The following SH3RF3 variants were observed in gnomAD, a reference collection of about 807,000 sequenced individuals.
SH3RF3 encodes the protein E3 ubiquitin-protein ligase SH3RF3.
In SH3RF3, 29 loss-of-function variants were observed where a neutral mutation model predicts 66.3. That is an observed-to-expected ratio of 0.44 (90% confidence interval 0.33 to 0.60). The LOEUF is 0.60. Ranked by LOEUF, SH3RF3 falls within the 20% of genes least tolerant of loss-of-function variation. The pLI, the probability that SH3RF3 is intolerant of heterozygous loss-of-function variation, is 0.04. For synonymous variants in SH3RF3, 583 were observed against 532.0 expected (o/e 1.10, Z -1.32); for missense variants, 1,194 against 1,190.9 (o/e 1.00, Z -0.04).
At position 109,415,116 on chromosome 2, in the gene SH3RF3, G is replaced by A. The variant is rs184612660; in HGVS notation, c.1300-4423G>A. ...CTTAAAGTGGAGGGGACCAAGGAAC[G>A]TGGGCAGCCTCTAGAAGCTGCAAAG... is the stretch of plus-strand genomic sequence containing the variant. On this transcript the variant is annotated intron_variant, in intron 4 of 9. Transcript: ENST00000309415. Among the ~76,000 whole-genome samples the A allele has an allele frequency of 3.4e-3, 500 of 147,548 alleles. 2 individuals are homozygous for A. The highest frequency in any genetic ancestry group is 0.012 in the African/African-American group (457 of 39,138).
intron 1 of SH3RF3, among the ~76,000 whole-genome samples, chr2:109,274,887 T>C (rs553253465): frequency 2.6e-4 from 39 of 151,210 alleles, no homozygotes; most frequent in African/African-American, 8.6e-4. Flanking sequence ...AAAAATGTTC[T>C]AGATAGAGGT....
chr2:109,419,487 C>A, intron 4 of SH3RF3, 52 bp from the exon 5 acceptor site: 1 of 1,530,858 alleles, frequency 6.5e-7, no homozygotes, highest in Non-Finnish European at 8.8e-7. Context: ...TTCTCTTTCC[C>A]TTGGATGGAG....
chr2:109,328,605 C>T (rs1012106992), intron 1 of SH3RF3, among the ~76,000 whole-genome samples: 8 of 152,178 alleles, frequency 5.3e-5, no homozygotes, highest in South Asian at 4.1e-4. Context: ...TCTAATCTAG[C>T]GTTCCAGGTT....
intron 2 of SH3RF3, among the ~76,000 whole-genome samples, chr2:109,353,493 A>G (rs1574592571): frequency 6.6e-6 from 1 of 152,010 alleles, no homozygotes; most frequent in Non-Finnish European, 1.5e-5. Context: ...TTGAGACCCC[A>G]CCACCGCCTG....
chr2:109,463,158 T>C (rs1003163639), intron 8 of SH3RF3, among the ~76,000 whole-genome samples: 1 of 152,238 alleles, frequency 6.6e-6, no homozygotes, highest in African/African-American at 2.4e-5. Flanking sequence ...ATTCAAGTTA[T>C]ACTTCTGTTC....
At position 109,315,034 on chromosome 2, in the gene SH3RF3, A is replaced by G. The variant is rs143229421; in HGVS notation, c.574-32640A>G. Among the ~76,000 whole-genome samples the G allele has an allele frequency of 3.6e-3, 541 of 152,350 alleles. 6 individuals carry two copies. The highest frequency in any genetic ancestry group is 0.012 in the African/African-American group (502 of 41,582). ...GGTAGCCACCGACCACACTCAGTGA[A>G]CAGCGACCACATTGAAGAGCCCATA... On this transcript the variant is annotated intron_variant, in intron 1 of 9. Transcript: ENST00000309415.
chr2:109,264,227 C>T (rs1056547572), intron 1 of SH3RF3, among the ~76,000 whole-genome samples: 2 of 143,918 alleles, frequency 1.4e-5, no homozygotes, highest in Non-Finnish European at 3.0e-5. Flanking sequence ...CACTCCGAGT[C>T]TGTGGGTGCT....
intron 1 of SH3RF3, among the ~76,000 whole-genome samples, chr2:109,187,367 T>TTG (rs1308865897): frequency 6.6e-6 from 1 of 151,910 alleles, no homozygotes; most frequent in Non-Finnish European, 1.5e-5. Context: ...CAGACTTTTT[T>TTG]TTTTTAAAGG....
intron 1 of SH3RF3, among the ~76,000 whole-genome samples, chr2:109,140,521 C>A (rs1354047212): frequency 6.6e-6 from 1 of 152,032 alleles, no homozygotes; most frequent in Non-Finnish European, 1.5e-5. Flanking sequence ...GCTGGGACTA[C>A]AGGCGCCCAC....
At chr2:109,153,635 T>G (rs559724487) in intron 1 of SH3RF3, among the ~76,000 whole-genome samples, 2 of 152,248 alleles carry the variant, frequency 1.3e-5, no homozygotes, top group South Asian at 4.1e-4. Context: ...TGTGGCATAG[T>G]AAAACATGAG....
At chr2:109,147,614 C>T (rs1038536609) in intron 1 of SH3RF3, among the ~76,000 whole-genome samples, 2 of 152,184 alleles carry the variant, frequency 1.3e-5, no homozygotes, top group Admixed American at 1.3e-4. Flanking sequence ...GGTCTCATAG[C>T]GTGTTATCGA....
intron 8 of SH3RF3, among the ~76,000 whole-genome samples, chr2:109,482,333 G>C (rs1480001237): frequency 6.6e-6 from 1 of 152,144 alleles, no homozygotes; most frequent in Non-Finnish European, 1.5e-5. Flanking sequence ...TTACACATGA[G>C]GGAAGTGGGG....
At chr2:109,287,533 C>T (rs1260930217) in intron 1 of SH3RF3, among the ~76,000 whole-genome samples, 1 of 152,170 alleles carries the variant, frequency 6.6e-6, no homozygotes, top group Non-Finnish European at 1.5e-5. Flanking sequence ...TTCCATGCAC[C>T]CTGCAGAGCC....
At chr2:109,443,856 T>C (rs1366089879) in intron 7 of SH3RF3, among the ~76,000 whole-genome samples, 1 of 152,220 alleles carries the variant, frequency 6.6e-6, no homozygotes, top group Non-Finnish European at 1.5e-5. Flanking sequence ...ATGGTAAAAA[T>C]TTAAAACATT....
At position 109,460,184 on chromosome 2, in the gene SH3RF3, T is replaced by C. The variant is rs182628700; in HGVS notation, c.2148+10695T>C. 2.5e-3 allele frequency among the ~76,000 whole-genome samples: 379 copies of C among 152,336 alleles called. 2 individuals carry two copies. Among genetic ancestry groups the C allele is most frequent in the African/African-American group, 8.9e-3 (369 of 41,572 alleles). ...GCTGTGTGGAATACCGTGATGGTGGTTAAGGCATTCTGAAGTCCATGGATA... is the reference window on the plus strand; with the variant it reads ...GCTGTGTGGAATACCGTGATGGTGGCTAAGGCATTCTGAAGTCCATGGATA... On this transcript the variant is annotated intron_variant, in intron 8 of 9. Coordinates refer to ENST00000309415, the MANE Select transcript of SH3RF3 (RefSeq NM_001099289.3).
At chr2:109,298,833 G>T (rs1681388790) in intron 1 of SH3RF3, among the ~76,000 whole-genome samples, 1 of 152,148 alleles carries the variant, frequency 6.6e-6, no homozygotes, top group Non-Finnish European at 1.5e-5. Context: ...TCCTGTTTCT[G>T]CCCTTGCCCT....
At chr2:109,206,053 C>T (rs147075349) in intron 1 of SH3RF3, among the ~76,000 whole-genome samples, 1 of 152,286 alleles carries the variant, frequency 6.6e-6, no homozygotes, top group East Asian at 1.9e-4. Context: ...CCTGAGATGC[C>T]TTTCCAGCCT....
intron 3 of SH3RF3, among the ~76,000 whole-genome samples, chr2:109,390,304 C>G (rs1056915283): frequency 6.6e-6 from 1 of 152,146 alleles, no homozygotes; most frequent in African/African-American, 2.4e-5. Context: ...GGTCCTTATC[C>G]CAGTCTGAAA....
At chr2:109,334,341 GTT>G (rs11297256) in intron 1 of SH3RF3, among the ~76,000 whole-genome samples, 104 of 128,320 alleles carry the variant, frequency 8.1e-4, no homozygotes, top group African/African-American at 2.6e-3. Flanking sequence ...TTGGGTGACA[GTT>G]TTTTTTTTTT....
Sources: allele counts gnomAD v4.1 joint callset (sites outside exome capture counted in the v4.1 genomes callset), GRCh38; gene constraint gnomAD v4.1.1; transcripts MANE v1.5; gene names NCBI Gene and HGNC (gene_info 2026-07-23, HGNC 2026-07-21).